Variants in CCBE1 observed in about 807,000 individuals in gnomAD.
CCBE1 encodes collagen and calcium binding EGF domains 1.
In CCBE1, 37 loss-of-function variants were observed where a neutral mutation model predicts 50.0. The ratio of observed to expected loss-of-function variants is 0.74; its 90% confidence interval spans 0.57 to 0.97. The LOEUF (loss-of-function observed/expected upper bound fraction) is 0.97. Ranked by LOEUF, CCBE1 falls within the 50% of genes least tolerant of loss-of-function variation. CCBE1 has a pLI of 0.00. For missense variants in CCBE1, 538 were observed against 523.8 expected, an observed-to-expected ratio of 1.03 and a Z score of -0.26; for synonymous variants, 234 against 203.7, an observed-to-expected ratio of 1.15 and a Z score of -1.27.
At chr18:59,607,716 A>G (rs957289020) in intron 2 of CCBE1, among the ~76,000 whole-genome samples, 1 of 152,124 alleles carries the variant, frequency 6.6e-6, no homozygotes, top group African/African-American at 2.4e-5. Context: ...TCAAATCGGA[A>G]CCACTTCCTG....
chr18:59,459,576 T>C (rs1911362036), intron 5 of CCBE1, among the ~76,000 whole-genome samples: 1 of 152,196 alleles, frequency 6.6e-6, no homozygotes, highest in Non-Finnish European at 1.5e-5. Flanking sequence ...AGCTCTAATT[T>C]TTCCTGAAGT....
At chr18:59,611,904 C>A (rs1024407275) in intron 2 of CCBE1, among the ~76,000 whole-genome samples, 1 of 152,104 alleles carries the variant, frequency 6.6e-6, no homozygotes, top group Non-Finnish European at 1.5e-5. Flanking sequence ...AAACAGATGT[C>A]CATAAAGTCT....
intron 2 of CCBE1, among the ~76,000 whole-genome samples, chr18:59,588,975 G>A (rs1228368114): frequency 6.6e-6 from 1 of 152,232 alleles, no homozygotes; most frequent in East Asian, 1.9e-4. Context: ...TTTGTAAGGT[G>A]TGATACTTCC....
chr18:59,571,801 A>T (rs2052919880), intron 2 of CCBE1, among the ~76,000 whole-genome samples: 1 of 152,176 alleles, frequency 6.6e-6, no homozygotes, highest in East Asian at 1.9e-4. Context: ...TCAAAGTATG[A>T]TCCTTACTTT....
intron 2 of CCBE1, among the ~76,000 whole-genome samples, chr18:59,646,024 ACT>A (rs1228201030): frequency 4.6e-5 from 7 of 150,964 alleles, no homozygotes; most frequent in East Asian, 1.9e-4. Flanking sequence ...ACAGAGCAAG[ACT>A]CTGTCTCAAA....
intron 3 of CCBE1, among the ~76,000 whole-genome samples, chr18:59,472,764 A>C (rs550014439): frequency 2.0e-5 from 3 of 152,334 alleles, no homozygotes; most frequent in African/African-American, 7.2e-5. Flanking sequence ...CACGCTGCTA[A>C]TAAAGACATA....
At chr18:59,478,210 A>G (rs1912402803) in intron 3 of CCBE1, among the ~76,000 whole-genome samples, 1 of 151,970 alleles carries the variant, frequency 6.6e-6, no homozygotes, top group Non-Finnish European at 1.5e-5. Context: ...CATCTCCACA[A>G]TCTCATAAGC....
At chr18:59,460,874 G>T (rs62094290) in intron 5 of CCBE1, among the ~76,000 whole-genome samples, 3 of 151,844 alleles carry the variant, frequency 2.0e-5, no homozygotes, top group Non-Finnish European at 4.4e-5. Flanking sequence ...GGCAGAGGTT[G>T]CAGTGAGCGG....
chr18:59,518,044 G>C (rs1914449129), intron 2 of CCBE1, among the ~76,000 whole-genome samples: 1 of 148,976 alleles, frequency 6.7e-6, no homozygotes, highest in East Asian at 1.9e-4. Context: ...CCCATTCCTA[G>C]GCCCTTGGTG....
intron 5 of CCBE1, chr18:59,462,612 C>G (rs1911542566): frequency 6.6e-6 from 1 of 152,068 alleles, no homozygotes; most frequent in South Asian, 2.1e-4. Flanking sequence ...TGGTCTCGAA[C>G]AGCTCAAACG....
chr18:59,475,376 C>T (rs1912257883), intron 3 of CCBE1, among the ~76,000 whole-genome samples: 1 of 152,190 alleles, frequency 6.6e-6, no homozygotes, highest in Admixed American at 6.5e-5. Context: ...AAATGGTTCG[C>T]TCCTGTATTT....
chr18:59,534,442 G>T (rs1915170036), intron 2 of CCBE1, among the ~76,000 whole-genome samples: 1 of 152,196 alleles, frequency 6.6e-6, no homozygotes. Context: ...TAACCAGCCA[G>T]GCCTTTGGGC....
At chr18:59,455,441 C>T (rs1911146033) in intron 5 of CCBE1, among the ~76,000 whole-genome samples, 1 of 152,122 alleles carries the variant, frequency 6.6e-6, no homozygotes, top group Non-Finnish European at 1.5e-5. Flanking sequence ...CTCACCGACG[C>T]GTGAGGCCAG....
intron 2 of CCBE1, among the ~76,000 whole-genome samples, chr18:59,497,247 G>T (rs557067690): frequency 2.6e-5 from 4 of 152,240 alleles, no homozygotes; most frequent in Admixed American, 6.5e-5. Context: ...AAGCCAAACA[G>T]AATCAAGTGA....
chr18:59,634,872 A>T (rs2144633735), intron 2 of CCBE1, among the ~76,000 whole-genome samples: 1 of 152,324 alleles, frequency 6.6e-6, no homozygotes, highest in East Asian at 1.9e-4. Flanking sequence ...ATCTCAGTAC[A>T]CAGCACAAAG....
intron 2 of CCBE1, among the ~76,000 whole-genome samples, chr18:59,588,043 G>A (rs1299066724): frequency 6.6e-6 from 1 of 152,228 alleles, no homozygotes; most frequent in Admixed American, 6.5e-5. Context: ...TACATATGTT[G>A]GTTCTTAAAT....
chr18:59,461,729 CTTT>C (rs36013463), intron 5 of CCBE1, among the ~76,000 whole-genome samples: 1 of 109,322 alleles, frequency 9.1e-6, no homozygotes. Context: ...CAGGTGTAAT[CTTT>C]TTTTTTTTTT....
rs148946795 is a variant in CCBE1 at position 59,608,192 on chromosome 18, T to G, written c.212+88437A>C. 2.6e-3 allele frequency among the ~76,000 whole-genome samples: 389 copies of G among 152,292 alleles called. 10 individuals are homozygous for G. The East Asian group carries it at 0.037, about 15-fold the overall frequency. ...TAGGTAATGGGGTTATTTTGAAAAT[T>G]AAAGAGAAATATATGAAACAAGCTA... On this transcript the variant is annotated intron_variant, in intron 2 of 10. Transcript: ENST00000439986.
intron 2 of CCBE1, among the ~76,000 whole-genome samples, chr18:59,496,180 A>G (rs1913346840): frequency 6.6e-6 from 1 of 152,168 alleles, no homozygotes; most frequent in African/African-American, 2.4e-5. Context: ...GGCTCTGTAG[A>G]GAATATCTTA....
Sources: allele counts gnomAD v4.1 joint callset (sites outside exome capture counted in the v4.1 genomes callset), GRCh38; gene constraint gnomAD v4.1.1; transcripts MANE v1.5; gene names NCBI Gene and HGNC (gene_info 2026-07-23, HGNC 2026-07-21).